Variants in EP400 observed in about 807,000 individuals in gnomAD.
EP400 encodes E1A binding protein p400.
EP400 carries 105 observed loss-of-function variants against 354.1 expected under a neutral mutation model. That is an observed-to-expected ratio of 0.30 (90% confidence interval 0.25 to 0.35). EP400 has a LOEUF of 0.35. EP400 is among the 10% of genes least tolerant of loss of function. EP400 has a pLI of 1.00. For missense variants in EP400, 3,280 were observed against 4,121.0 expected (o/e 0.80, Z 5.59); for synonymous variants, 1,646 against 1,716.9 (o/e 0.96, Z 1.02).
rs1765746299 is a variant in EP400, at chr12:132,013,619, A to G, written c.3741A>G (p.Glu1247=). The G allele has an allele frequency of 6.2e-7, 1 of 1,613,652 alleles. No homozygotes were observed. The highest frequency in any genetic ancestry group is 8.5e-7 in the Non-Finnish European group (1 of 1,179,834). The change falls in exon 18 of 53, where the codon GAA becomes GAG. Residue 1247 remains glutamate, a synonymous_variant. Coordinates refer to ENST00000389561, the MANE Select transcript of EP400 (RefSeq NM_015409.5). The surrounding 1 kb of genome is among the most constrained non-coding windows in gnomAD (Gnocchi z 4.5). ...GCTCCCCTCTGAGGGCCCCCAGTGA[A>G]GAGAGCCAGGATTACTACCATAAAG... ...YLSSPLRAPS[E]ESQDYYHKVV... is the part of the protein sequence containing the mutation.
intron 27 of EP400, 109 bp downstream of exon 27, chr12:132,028,397 C>A: frequency 7.3e-7 from 1 of 1,372,428 alleles, no homozygotes; most frequent in Non-Finnish European, 1.0e-6. Context: ...CTTCTCCCCA[C>A]GCTGTCCCTT....
At chr12:132,009,241 C>T (rs1593343430) in intron 15 of EP400, among the ~76,000 whole-genome samples, 1 of 151,790 alleles carries the variant, frequency 6.6e-6, no homozygotes, top group Non-Finnish European at 1.5e-5. Context: ...CTGGAAGTAG[C>T]CTATGCTTCT....
In EP400 at chr12:132,038,187, C is replaced by G; in HGVS notation, c.6207+91C>G. 1 of 1,527,256 alleles carries G rather than the reference C, an allele frequency of 6.5e-7. No individual in the cohort carries two copies. Among genetic ancestry groups the G allele is most frequent in the African/African-American group, 1.4e-5 (1 of 73,044 alleles). 94.6% of individuals were successfully genotyped at this position (1,527,256 alleles called of 1,614,324 possible). On this transcript the variant is annotated intron_variant, in intron 32 of 52. Transcript: ENST00000389561. The surrounding 1 kb of genome is among the most constrained non-coding windows in gnomAD (Gnocchi z 4.2). The stretch of plus-strand genomic sequence containing the variant: ...CCCCAGGGTTCTGGGTGCTCAGTCC[C>G]CACTCTTCCCTGGCCTGAAGCCCTC...
Position 132,080,170 on chromosome 12 carries a change from A to G in EP400, c.*2497A>G, listed in dbSNP as rs1245193370. The G allele has an allele frequency of 6.6e-6, 1 of 152,326 alleles. No homozygotes were observed. The highest frequency in any genetic ancestry group is 1.5e-5 in the Non-Finnish European group (1 of 68,036). 9.4% of individuals were successfully genotyped at this position (152,326 alleles called of 1,614,324 possible). A position where few individuals can be genotyped will look rare whatever the true frequency, so the allele number is the denominator to read the frequency against. ...AAAGACGTTTATTCTGATGATAAAA[A>G]CAGTTAGCCAGACTGTTTTTAAAGC... On this transcript the variant is annotated 3_prime_UTR_variant, in exon 53 of 53. Transcript: ENST00000389561.
chr12:132,050,280 C>T lies in EP400; in HGVS notation c.7201-43C>T, dbSNP rs574672291. The T allele has an allele frequency of 6.8e-6, 11 of 1,610,346 alleles. No individual in the cohort carries two copies. The African/African-American group carries it at 1.2e-4, about 18-fold the overall frequency. On this transcript the variant is annotated intron_variant, in intron 39 of 52. Coordinates refer to ENST00000389561, the MANE Select transcript of EP400 (RefSeq NM_015409.5). The surrounding 1 kb of genome is among the most constrained non-coding windows in gnomAD (Gnocchi z 4.8). ...CCTGTGTCCCACGCAGCCGTCTGTC[C>T]ATGCTGCCTAATTCAGATGCACTCT...
At chr12:131,962,074 T>TG in intron 2 of EP400, 120 bp downstream of exon 2, 1 of 1,320,022 alleles carries the variant, frequency 7.6e-7, no homozygotes, top group South Asian at 1.5e-5. Context: ...TCTAAGGTGT[T>TG]GGGGCAAGGA....
intron 5 of EP400, among the ~76,000 whole-genome samples, chr12:131,984,319 G>A (rs1231781259): frequency 6.6e-6 from 1 of 152,154 alleles, no homozygotes; most frequent in African/African-American, 2.4e-5. Flanking sequence ...GCACTGTGAT[G>A]AGCGATTTAT....
chr12:132,076,248 A>T, intron 51 of EP400: 404 of 435,052 alleles, frequency 9.3e-4, no homozygotes, highest in East Asian at 1.4e-3. Flanking sequence ...CGTTTTTGTG[A>T]AAAGAAAAAA....
At chr12:131,997,444 T>G (rs905116261) in intron 12 of EP400, among the ~76,000 whole-genome samples, 5 of 152,000 alleles carry the variant, frequency 3.3e-5, no homozygotes, top group Non-Finnish European at 5.9e-5. Context: ...ATTTTTGTGT[T>G]TTTTGTAGAT....
intron 48 of EP400, chr12:132,066,402 G>T: frequency 4.7e-6 from 1 of 214,904 alleles, no homozygotes; most frequent in Admixed American, 6.3e-5. Flanking sequence ...GGGACAGGCT[G>T]ATGTCGAGTG....
chr12:132,026,347 T>G (rs1458657807), intron 25 of EP400, among the ~76,000 whole-genome samples: 1 of 152,160 alleles, frequency 6.6e-6, no homozygotes, highest in East Asian at 1.9e-4. Context: ...GCTCTCTCCT[T>G]GGGATGGAGC....
At chr12:131,964,597 A>G (rs1892011356) in intron 2 of EP400, among the ~76,000 whole-genome samples, 2 of 152,232 alleles carry the variant, frequency 1.3e-5, no homozygotes, top group South Asian at 4.1e-4. Context: ...ATTTTGATTT[A>G]ATTTCAAATG....
intron 9 of EP400, 130 bp from the exon 10 acceptor site, chr12:131,991,277 G>A: frequency 2.5e-6 from 2 of 812,048 alleles, no homozygotes; most frequent in South Asian, 1.5e-5. Context: ...TGATGATGAG[G>A]AGGCAGAACT....
Position 132,013,932 on chromosome 12 carries a change from C to T in EP400, c.3923+19C>T. The T allele has an allele frequency of 1.2e-6, 2 of 1,612,512 alleles. No homozygotes were observed. Among genetic ancestry groups the T allele is most frequent in the Non-Finnish European group, 1.7e-6 (2 of 1,179,320 alleles). On this transcript the variant is annotated intron_variant, in intron 19 of 52. Coordinates refer to ENST00000389561, the MANE Select transcript of EP400 (RefSeq NM_015409.5). The surrounding 1 kb of genome is among the most constrained non-coding windows in gnomAD (Gnocchi z 4.5). Reference sequence around the variant, plus strand: ...AACCTGGGTGAGTGTGGGCTCTGGGCATGTGCCCCCTTTGCTGTCCCTGCC... The same window carrying T: ...AACCTGGGTGAGTGTGGGCTCTGGGTATGTGCCCCCTTTGCTGTCCCTGCC...
chr12:132,029,765 C>A lies in EP400; in HGVS notation c.5446C>A (p.Pro1816Thr), dbSNP rs1431885325. Residue 1816 changes from proline to threonine, a missense_variant, in exon 28 of 53, where the codon CCC becomes ACC. Pro to Thr is a conservative substitution (Grantham distance 38, BLOSUM62 -1). Coordinates refer to ENST00000389561, the MANE Select transcript of EP400 (RefSeq NM_015409.5). The surrounding 1 kb of genome is among the most constrained non-coding windows in gnomAD (Gnocchi z 4.7). The stretch of plus-strand genomic sequence containing the variant: ...GTCCCTACGGGTGCCGCGGCCGCCA[C>A]CCCTGTACAGCCACAGAATGAGGAT... ...PPSLRVPRPP[P>T]LYSHRMRILR... is the part of the protein sequence containing the mutation. 14 of 1,613,448 alleles carry A rather than the reference C, an allele frequency of 8.7e-6. No individual in the cohort carries two copies. Among genetic ancestry groups the A allele is most frequent in the Non-Finnish European group, 1.2e-5 (14 of 1,180,044 alleles).
chr12:131,991,844 C>A (rs1893046496), intron 10 of EP400, among the ~76,000 whole-genome samples: 1 of 152,146 alleles, frequency 6.6e-6, no homozygotes, highest in South Asian at 2.1e-4. Context: ...GCCTTGGCCT[C>A]CCAAAGTGCT....
At chr12:132,057,852 C>G (rs907252430) in intron 45 of EP400, among the ~76,000 whole-genome samples, 3 of 152,110 alleles carry the variant, frequency 2.0e-5, no homozygotes, top group Non-Finnish European at 4.4e-5. Context: ...TGAAAAAGAC[C>G]TGTTCTTTGT....
intron 50 of EP400, 176 bp from the exon 51 acceptor site, chr12:132,069,319 G>A: frequency 1.2e-6 from 1 of 869,302 alleles, no homozygotes; most frequent in Non-Finnish European, 1.7e-6. Flanking sequence ...AGGTAGGCCT[G>A]GAGGCAGCGG....
rs117208655 is a variant in EP400 at position 131,978,042 on chromosome 12, A to C, written c.1336-1652A>C. Reference sequence around the variant, plus strand: ...TAATTAAGTCCTTAGCATTTACTTTAATGGCAAGGATGGTGACCAGATGGA... The same window carrying C: ...TAATTAAGTCCTTAGCATTTACTTTCATGGCAAGGATGGTGACCAGATGGA... On this transcript the variant is annotated intron_variant, in intron 2 of 52. Transcript: ENST00000389561. 7.1e-3 allele frequency among the ~76,000 whole-genome samples: 1,082 copies of C among 152,344 alleles called. 35 individuals are homozygous for C. In the South Asian group the frequency reaches 0.093, roughly 13 times the overall value.
Sources: gnomAD v4.1 joint callset for allele counts (sites outside exome capture counted in the v4.1 genomes callset) on GRCh38, gnomAD v4.1.1 for gene constraint, Gnocchi (gnomAD v3.1) non-coding constraint, MANE v1.5 for transcripts, NCBI Gene and HGNC (gene_info 2026-07-23, HGNC 2026-07-21) for gene names.